MARK3: variants seen among roughly 807,000 people sequenced by gnomAD.
MARK3 encodes MAP/microtubule affinity-regulating kinase 3.
MARK3 carries 46 observed loss-of-function variants against 90.1 expected under a neutral mutation model. The observed-to-expected ratio is 0.51, with a 90% CI of 0.40 to 0.65. The LOEUF is 0.65. MARK3 is among the 30% of genes least tolerant of loss of function. The pLI, the probability that MARK3 is intolerant of heterozygous loss-of-function variation, is 0.00. For synonymous variants in MARK3, 321 were observed against 332.6 expected (o/e 0.97, Z 0.38); for missense variants, 818 against 947.2 (o/e 0.86, Z 1.79).
chr14:103,432,836 A>G (rs1409689218), intron 3 of MARK3, among the ~76,000 whole-genome samples: 3 of 152,178 alleles, frequency 2.0e-5, no homozygotes, highest in African/African-American at 7.2e-5. Context: ...AGCCTGGGCA[A>G]CAGAGCAAGA....
chr14:103,496,693 A>G (rs1377900421), intron 15 of MARK3, among the ~76,000 whole-genome samples: 1 of 151,746 alleles, frequency 6.6e-6, no homozygotes, highest in Non-Finnish European at 1.5e-5. Context: ...GATTACAGGC[A>G]TGAGCCACCA....
At chr14:103,465,830 A>G in intron 8 of MARK3, 37 bp downstream of exon 8, 1 of 1,575,554 alleles carries the variant, frequency 6.3e-7, no homozygotes, top group African/African-American at 1.4e-5. Flanking sequence ...CACTAAACTA[A>G]AAGAAGTTTC....
At position 103,405,168 on chromosome 14, in the gene MARK3, T is replaced by G. The variant is rs2091205100; in HGVS notation, c.144T>G (p.Asp48Glu). The G allele has an allele frequency of 2.5e-6, 4 of 1,602,654 alleles. No homozygotes were observed. Among genetic ancestry groups the G allele is most frequent in the Non-Finnish European group, 2.5e-6 (3 of 1,177,064 alleles). ...RCRNSIASCA[D>E]EQPHIGNYRL... Reference sequence around the variant, plus strand: ...GAAACTCTATAGCCTCCTGTGCAGATGAACAACCTCACATCGGAAACTACA... The same window carrying G: ...GAAACTCTATAGCCTCCTGTGCAGAGGAACAACCTCACATCGGAAACTACA... Residue 48 changes from aspartate to glutamate, a missense_variant, in exon 2 of 18, where the codon GAT becomes GAG. Coordinates refer to ENST00000429436, the MANE Select transcript of MARK3 (RefSeq NM_001128918.3).
intron 2 of MARK3, among the ~76,000 whole-genome samples, chr14:103,413,497 C>A (rs575705950): frequency 3.3e-5 from 5 of 150,320 alleles, no homozygotes; most frequent in Non-Finnish European, 7.4e-5. Context: ...GATCTCGGCT[C>A]ACTGCAAGCT....
chr14:103,417,776 G>A (rs927087721), intron 2 of MARK3, among the ~76,000 whole-genome samples: 10 of 152,050 alleles, frequency 6.6e-5, no homozygotes, highest in African/African-American at 2.4e-4. Flanking sequence ...TGTTAAAAAT[G>A]TGTGTGTGGG....
At chr14:103,502,763 A>G in intron 17 of MARK3, 119 bp from the exon 18 acceptor site, 1 of 743,388 alleles carries the variant, frequency 1.3e-6, no homozygotes, top group Non-Finnish European at 2.2e-6. Context: ...CTGTGCAGGA[A>G]AATGTGGAGG....
At chr14:103,467,837 C>T (rs1037355175) in intron 11 of MARK3, 196 bp from the exon 12 acceptor site, 3 of 467,140 alleles carry the variant, frequency 6.4e-6, no homozygotes, top group Non-Finnish European at 7.5e-6. Context: ...TCATAAATAC[C>T]TTACCTTTAG....
intron 2 of MARK3, among the ~76,000 whole-genome samples, chr14:103,427,497 C>CAAAAAAAAAAAAAAA (rs71126021): frequency 2.5e-4 from 28 of 110,804 alleles, no homozygotes; most frequent in African/African-American, 2.9e-4. Context: ...GAGACTGTTT[C>CAAAAAAAAAAAAAAA]AAAAAAAAAA....
At chr14:103,438,340 A>G (rs1476133900) in intron 3 of MARK3, among the ~76,000 whole-genome samples, 1 of 152,212 alleles carries the variant, frequency 6.6e-6, no homozygotes, top group African/African-American at 2.4e-5. Flanking sequence ...ATAGGTAAGT[A>G]GGTTAAAGCT....
chr14:103,451,029 C>A (rs1013714745), intron 4 of MARK3, among the ~76,000 whole-genome samples: 2 of 150,048 alleles, frequency 1.3e-5, no homozygotes, highest in African/African-American at 2.4e-5. Flanking sequence ...CACACTGGCT[C>A]AGGCCATTCT....
At chr14:103,415,461 G>A (rs1056857273) in intron 2 of MARK3, among the ~76,000 whole-genome samples, 1 of 152,118 alleles carries the variant, frequency 6.6e-6, no homozygotes, top group Non-Finnish European at 1.5e-5. Flanking sequence ...AAATGAAAAT[G>A]CTACCCATTA....
intron 2 of MARK3, among the ~76,000 whole-genome samples, chr14:103,424,396 G>A (rs1008823270): frequency 6.6e-6 from 1 of 151,604 alleles, no homozygotes; most frequent in Non-Finnish European, 1.5e-5. Context: ...ATGGTGGCAC[G>A]TGCCTATAGT....
intron 3 of MARK3, among the ~76,000 whole-genome samples, chr14:103,443,683 G>T (rs1229293917): frequency 6.6e-6 from 1 of 152,186 alleles, no homozygotes; most frequent in Admixed American, 6.5e-5. Flanking sequence ...TAGCACTTGG[G>T]AGACCAGACC....
chr14:103,437,535 C>T (rs1210266396), intron 3 of MARK3, among the ~76,000 whole-genome samples: 2 of 152,162 alleles, frequency 1.3e-5, no homozygotes, highest in Non-Finnish European at 2.9e-5. Context: ...CCGAGGATTC[C>T]AATCTGCCTT....
chr14:103,435,542 G>A (rs1236775391), intron 3 of MARK3, among the ~76,000 whole-genome samples: 1 of 152,040 alleles, frequency 6.6e-6, no homozygotes, highest in Non-Finnish European at 1.5e-5. Context: ...CCGAGTAGCT[G>A]GGACTACAAG....
At chr14:103,474,053 A>AAAAAAAAAAAATAC (rs2093674882) in intron 12 of MARK3, among the ~76,000 whole-genome samples, 1 of 62,948 alleles carries the variant, frequency 1.6e-5, no homozygotes, top group Non-Finnish European at 3.8e-5. Context: ...AAATATATAC[A>AAAAAAAAAAAATAC]AAAAAAAAAA....
rs1310851902 is a variant in MARK3, at chr14:103,484,647, T to C, written c.1586+4157T>C. Among the ~76,000 whole-genome samples the C allele has an allele frequency of 2.0e-5, 3 of 152,194 alleles. No homozygotes were observed. In the East Asian group the frequency reaches 5.8e-4, roughly 29 times the overall value. On this transcript the variant is annotated intron_variant, in intron 14 of 17. Transcript: ENST00000429436. The stretch of plus-strand genomic sequence containing the variant: ...TGGACTACATATAAAAGTTGCTTTT[T>C]TTAGGCTGGGCGCGGTGGCTCCCAC...
Position 103,445,039 on chromosome 14 carries a change from C to G in MARK3, c.298-3880C>G, listed in dbSNP as rs117409869. Among the ~76,000 whole-genome samples the G allele has an allele frequency of 1.0e-3, 158 of 152,120 alleles. 5 individuals carry two copies. In the East Asian group the frequency reaches 0.026, roughly 25 times the overall value. Reference sequence around the variant, plus strand: ...TCTGTGCCAGTACCCACCTGTTGCTCTGGACTTTTCTATATCAGCAGCTTA... The same window carrying G: ...TCTGTGCCAGTACCCACCTGTTGCTGTGGACTTTTCTATATCAGCAGCTTA... On this transcript the variant is annotated intron_variant, in intron 3 of 17. Transcript: ENST00000429436.
At chr14:103,484,711 T>TC (rs1026621542) in intron 14 of MARK3, among the ~76,000 whole-genome samples, 22 of 152,098 alleles carry the variant, frequency 1.4e-4, no homozygotes, top group Admixed American at 1.4e-3. Context: ...GGCAGGTGGA[T>TC]CATGAGGTCA....
Sources: allele counts gnomAD v4.1 joint callset (sites outside exome capture counted in the v4.1 genomes callset), GRCh38; gene constraint gnomAD v4.1.1; transcripts MANE v1.5; gene names NCBI Gene and HGNC (gene_info 2026-07-23, HGNC 2026-07-21).